The following AHNAK variants were observed in gnomAD, a reference collection of about 807,000 sequenced individuals.
The protein encoded by AHNAK is neuroblast differentiation-associated protein AHNAK.
A neutral mutation model predicts 37.8 loss-of-function variants in AHNAK; 23 were observed. The observed-to-expected ratio is 0.61, with a 90% confidence interval of 0.44 to 0.86. The LOEUF (loss-of-function observed/expected upper bound fraction) is 0.86, where lower values mean the gene tolerates loss of function less well. Ranked by LOEUF, AHNAK falls within the 40% of genes least tolerant of loss-of-function variation. The probability of loss-of-function intolerance (pLI) is 0.00; values close to 1 mark genes in which losing one functional copy is unlikely to be tolerated. For missense variants in AHNAK, 7,411 were observed against 7,319.4 expected (o/e 1.01, Z -0.46); for synonymous variants, 2,481 against 2,636.3 (o/e 0.94, Z 1.80).
chr11:62,473,458 G>A (rs1439948837), intron 5 of AHNAK, among the ~76,000 whole-genome samples: 6 of 145,696 alleles, frequency 4.1e-5, no homozygotes, highest in South Asian at 4.4e-4. Context: ...CACTTTGGGA[G>A]GCCAAGGCGG....
intron 5 of AHNAK, among the ~76,000 whole-genome samples, chr11:62,469,525 T>C (rs541871419): frequency 2.0e-5 from 3 of 152,306 alleles, no homozygotes; most frequent in Non-Finnish European, 2.9e-5. Context: ...AGTGCAGTTA[T>C]GCAATGTCAG....
At position 62,527,919 on chromosome 11, in the gene AHNAK, C is replaced by A; in HGVS notation, c.6498G>T (p.Lys2166Asn). ...GCATCTTAAACTTGGGCCCTTTCAA[C>A]TTTGCATCAGGACACTCCAGCTCAA... The part of the protein sequence containing the change: ...PDVELECPDA[K>N]LKGPKFKMPE... The change falls in exon 5 of 5, where the codon AAG becomes AAT. Residue 2166 changes from lysine (K) to asparagine (N), a missense_variant. Lys to Asn is a moderately conservative substitution (Grantham distance 94, BLOSUM62 0). Coordinates refer to ENST00000378024, the MANE Select transcript of AHNAK (RefSeq NM_001620.3). The A allele has an allele frequency of 1.2e-6, 2 of 1,613,128 alleles. No homozygotes were observed. The highest frequency in any genetic ancestry group is 1.7e-4 in the Middle Eastern group (1 of 6,060).
At chr11:62,494,763 C>A (rs1939575433) in intron 4 of AHNAK, among the ~76,000 whole-genome samples, 1 of 152,024 alleles carries the variant, frequency 6.6e-6, no homozygotes, top group Non-Finnish European at 1.5e-5. Context: ...ATAATCCCAG[C>A]ACTTTAGGAG....
intron 5 of AHNAK, among the ~76,000 whole-genome samples, chr11:62,475,817 C>T (rs1308826961): frequency 6.6e-6 from 1 of 151,708 alleles, no homozygotes; most frequent in African/African-American, 2.4e-5. Context: ...GTTGGCCAGG[C>T]TCGTCTCGAG....
rs759693231 is a variant in AHNAK at position 62,527,032 on chromosome 11, A to G, written c.7385T>C (p.Leu2462Pro). The change falls in exon 5 of 5, where the codon CTC becomes CCC. Residue 2462 changes from leucine to proline, a missense_variant. Physicochemically the swap from Leu to Pro is moderately conservative, Grantham distance 98. Coordinates refer to ENST00000378024, the MANE Select transcript of AHNAK (RefSeq NM_001620.3). ...NISMPDVDLN[L>P]KGPKIKGDVD... ...ATCCCCCTTGATTTTGGGTCCTTTGAGATTTAGATCAACATCAGGCATAGA... is the reference window on the plus strand; with the variant it reads ...ATCCCCCTTGATTTTGGGTCCTTTGGGATTTAGATCAACATCAGGCATAGA... The G allele has an allele frequency of 9.9e-6, 16 of 1,614,002 alleles. No individual in the cohort carries two copies. In the South Asian group the frequency reaches 1.4e-4, roughly 14 times the overall value.
In AHNAK at chr11:62,521,400, G is replaced by A; in HGVS notation, c.13017C>T (p.Thr4339=). Reference sequence around the variant, plus strand: ...AAATCTCAATGTCAGCCTTAGGAAGGGTAACATCCACATCTGGGCCCTCTC... The same window carrying A: ...AAATCTCAATGTCAGCCTTAGGAAGAGTAACATCCACATCTGGGCCCTCTC... The part of the protein sequence containing the change: ...FKGEGPDVDV[T]LPKADIEISG... Residue 4339 remains threonine, a synonymous_variant, in exon 5 of 5, where the codon ACC becomes ACT. Transcript: ENST00000378024. 1.2e-6 allele frequency: 2 copies of A among 1,613,962 alleles called. No homozygotes were observed. The highest frequency in any genetic ancestry group is 2.2e-5 in the South Asian group (2 of 91,064).
In AHNAK at chr11:62,436,317, G is replaced by C. The variant is rs140275921; in HGVS notation, c.443-2426C>G. ...GTCTGCAACATCTGATGCTCCGGGG[G>C]AGTAGCAGGCAACACAGAGAGCTTT... On this transcript the variant is annotated intron_variant, in intron 5 of 5. Coordinates refer to the AHNAK transcript ENST00000257247. 7.6e-3 allele frequency among the ~76,000 whole-genome samples: 1,157 copies of C among 152,192 alleles called. 14 individuals carry two copies. Among genetic ancestry groups the C allele is most frequent in the African/African-American group, 0.026 (1,082 of 41,524 alleles).
chr11:62,495,000 C>CAAAAAAA (rs34419128), intron 4 of AHNAK, among the ~76,000 whole-genome samples: 2 of 121,842 alleles, frequency 1.6e-5, no homozygotes, highest in East Asian at 4.7e-4. Flanking sequence ...AACTCCATCT[C>CAAAAAAA]AAAAAAAAAA....
chr11:62,488,284 A>G (rs1565211461), intron 5 of AHNAK, among the ~76,000 whole-genome samples: 2 of 152,232 alleles, frequency 1.3e-5, no homozygotes, highest in Non-Finnish European at 2.9e-5. Flanking sequence ...GTGTACAACA[A>G]AAAGTGCTGC....
chr11:62,440,762 A>G (rs1487666282), intron 5 of AHNAK, among the ~76,000 whole-genome samples: 1 of 152,156 alleles, frequency 6.6e-6, no homozygotes, highest in African/African-American at 2.4e-5. Flanking sequence ...ACAAAGGCAG[A>G]TCCCCAGGAC....
Position 62,521,640 on chromosome 11 carries a change from C to A in AHNAK, c.12777G>T (p.Met4259Ile). 6.2e-7 allele frequency: 1 copy of A among 1,613,740 alleles called. No individual in the cohort carries two copies. The highest frequency in any genetic ancestry group is 8.5e-7 in the Non-Finnish European group (1 of 1,179,968). The change falls in exon 5 of 5, where the codon ATG becomes ATT. Residue 4259 changes from methionine (M) to isoleucine (I), a missense_variant. Transcript: ENST00000378024. ...EMNIKAPKIS[M>I]PDFDLHLKGP... ...CTTTCAGATGCAAATCAAAGTCAGG[C>A]ATGGAGATCTTGGGGGCTTTGATGT...
In AHNAK at chr11:62,517,483, G is replaced by C; in HGVS notation, c.16934C>G (p.Pro5645Arg). The change falls in exon 5 of 5, where the codon CCT becomes CGT. Residue 5645 changes from proline (P) to arginine (R), a missense_variant. Pro to Arg is a moderately radical substitution (Grantham distance 103). Coordinates refer to ENST00000378024, the MANE Select transcript of AHNAK (RefSeq NM_001620.3). ...LQAPGLSVSG[P>R]QGHLESGSGK... is the part of the protein sequence containing the mutation. The stretch of plus-strand genomic sequence containing the variant: ...AGATCCACTTTCCAAGTGACCTTGA[G>C]GCCCAGACACACTCAGCCCAGGAGC... The C allele has an allele frequency of 6.2e-7, 1 of 1,614,118 alleles. No homozygotes were observed. The highest frequency in any genetic ancestry group is 1.1e-5 in the South Asian group (1 of 91,076).
At chr11:62,463,160 TA>T (rs1404949765) in intron 5 of AHNAK, among the ~76,000 whole-genome samples, 1 of 151,226 alleles carries the variant, frequency 6.6e-6, no homozygotes, top group Non-Finnish European at 1.5e-5. Flanking sequence ...TGGCTTCTGC[TA>T]TCTCCATCTG....
rs1164478804 is a variant in AHNAK, at chr11:62,526,869, G to C, written c.7548C>G (p.Pro2516=). 1.2e-6 allele frequency: 2 copies of C among 1,610,652 alleles called. No homozygotes were observed. The highest frequency in any genetic ancestry group is 1.7e-6 in the Non-Finnish European group (2 of 1,179,086). Reference sequence around the variant, plus strand: ...CTTTGAAGCCAGGCATGCTGAACTTGGGCATTTTCATCTTGGGCATCTTCA... The same window carrying C: ...CTTTGAAGCCAGGCATGCTGAACTTCGGCATTTTCATCTTGGGCATCTTCA... ...WHLKMPKMKM[P]KFSMPGFKAE... is the part of the protein sequence containing the mutation. The change falls in exon 5 of 5, where the codon CCC becomes CCG. Residue 2516 remains proline (P), a synonymous_variant. Transcript: ENST00000378024.
chr11:62,501,583 G>T (rs1017416190), intron 4 of AHNAK, among the ~76,000 whole-genome samples: 1 of 152,134 alleles, frequency 6.6e-6, no homozygotes, highest in Admixed American at 6.6e-5. Context: ...TAAAATAAAA[G>T]AACTTTGTCA....
At chr11:62,461,143 CTTTTTT>C (rs71056521) in intron 5 of AHNAK, among the ~76,000 whole-genome samples, 3 of 79,838 alleles carry the variant, frequency 3.8e-5, no homozygotes, top group Non-Finnish European at 6.8e-5. Flanking sequence ...CCAAATTCCC[CTTTTTT>C]TTTTTTTTTT....
intron 5 of AHNAK, among the ~76,000 whole-genome samples, chr11:62,468,372 A>ATG: frequency 8.6e-6 from 1 of 116,084 alleles, no homozygotes; most frequent in African/African-American, 3.1e-5. Context: ...AAAAAAAAAA[A>ATG]TATATATATA....
rs1461090864 is a variant in AHNAK, at chr11:62,524,705, C to A, written c.9712G>T (p.Asp3238Tyr). Residue 3238 changes from aspartate (D) to tyrosine (Y), a missense_variant, in exon 5 of 5, where the codon GAT becomes TAT. Physicochemically the swap from Asp to Tyr is radical, Grantham distance 160. Coordinates refer to ENST00000378024, the MANE Select transcript of AHNAK (RefSeq NM_001620.3). Reference sequence around the variant, plus strand: ...CCTTCTACATTTGCAAGTGAAACATCCACCTCTCCTTTCATTTTAGGGCCT... The same window carrying A: ...CCTTCTACATTTGCAAGTGAAACATACACCTCTCCTTTCATTTTAGGGCCT... ...LKGPKMKGEV[D>Y]VSLANVEGDL... The A allele has an allele frequency of 1.9e-6, 3 of 1,614,106 alleles. No individual in the cohort carries two copies. In the East Asian group the frequency reaches 6.7e-5, roughly 36 times the overall value.
intron 5 of AHNAK, among the ~76,000 whole-genome samples, chr11:62,438,853 C>T (rs560384484): frequency 6.6e-6 from 1 of 152,076 alleles, no homozygotes; most frequent in African/African-American, 2.4e-5. Context: ...GAGCAAAGGT[C>T]TCATAGAAAA....
Sources: allele counts gnomAD v4.1 joint callset (sites outside exome capture counted in the v4.1 genomes callset), GRCh38; gene constraint gnomAD v4.1.1; transcripts MANE v1.5; gene names NCBI Gene and HGNC (gene_info 2026-07-23, HGNC 2026-07-21).